Variants in AOPEP observed in about 807,000 individuals in gnomAD.
AOPEP encodes the protein aminopeptidase O.
Under a neutral mutation model 98.1 loss-of-function variants are expected in AOPEP, and 77 were observed. The ratio of observed to expected loss-of-function variants is 0.78; its 90% confidence interval spans 0.65 to 0.95. The LOEUF is 0.95. Ranked by LOEUF, AOPEP falls within the 40% of genes least tolerant of loss-of-function variation. The pLI is 0.00. For missense variants in AOPEP, 1,024 were observed against 1,024.7 expected, an observed-to-expected ratio of 1.00 and a Z score of 0.01; for synonymous variants, 346 against 365.3, an observed-to-expected ratio of 0.95 and a Z score of 0.60.
intron 9 of AOPEP, among the ~76,000 whole-genome samples, chr9:94,964,354 G>A (rs1179330300): frequency 4.6e-5 from 7 of 152,124 alleles, no homozygotes; most frequent in East Asian, 1.9e-4. Flanking sequence ...GGCCTCCTGC[G>A]CTTACCCTGA....
chr9:95,030,307 A>G (rs1377984982), intron 13 of AOPEP, among the ~76,000 whole-genome samples: 1 of 152,208 alleles, frequency 6.6e-6, no homozygotes, highest in Non-Finnish European at 1.5e-5. Flanking sequence ...TTGTGACTTC[A>G]AAGGTGGTTT....
rs1006381142 is a variant in AOPEP, at chr9:95,028,010, C to G, written c.2115+22394C>G. ...GCAGAATCATGAGCCTCAGAACACTCATTGCAGGCCTGTTTATCTTTCAAA... is the reference window on the plus strand; with the variant it reads ...GCAGAATCATGAGCCTCAGAACACTGATTGCAGGCCTGTTTATCTTTCAAA... On this transcript the variant is annotated intron_variant, in intron 13 of 16. Transcript: ENST00000375315. Among the ~76,000 whole-genome samples, 2 of 152,320 alleles carry G rather than the reference C, an allele frequency of 1.3e-5. 1 individual carries two copies. Among genetic ancestry groups the G allele is most frequent in the South Asian group, 4.1e-4 (2 of 4,822 alleles).
intron 5 of AOPEP, among the ~76,000 whole-genome samples, chr9:94,860,026 T>C (rs2044733039): frequency 6.6e-6 from 1 of 152,136 alleles, no homozygotes. Flanking sequence ...TTCTCAAAAA[T>C]GGAGTACGAC....
intron 12 of AOPEP, 114 bp from the exon 13 acceptor site, chr9:95,005,428 C>A (rs533765174): frequency 1.8e-6 from 2 of 1,133,086 alleles, no homozygotes; most frequent in Admixed American, 1.8e-5. Flanking sequence ...GGTGGCCTCC[C>A]GAGGTGCGGG....
At chr9:94,769,100 G>T (rs1277841148) in intron 2 of AOPEP, among the ~76,000 whole-genome samples, 1 of 152,212 alleles carries the variant, frequency 6.6e-6, no homozygotes, top group East Asian at 1.9e-4. Flanking sequence ...CATGATGGGG[G>T]CCATCTTTAG....
the AOPEP span, among the ~76,000 whole-genome samples, chr9:95,137,631 T>C: frequency 6.6e-6 from 1 of 152,132 alleles, no homozygotes; most frequent in Non-Finnish European, 1.5e-5. Flanking sequence ...ATTTGGAGTG[T>C]CTGAGGCACA....
chr9:94,817,151 A>G (rs1701480334), intron 5 of AOPEP, among the ~76,000 whole-genome samples: 1 of 152,066 alleles, frequency 6.6e-6, no homozygotes, highest in Non-Finnish European at 1.5e-5. Flanking sequence ...ATAGGCGTGC[A>G]CCACCATGCC....
the AOPEP span, among the ~76,000 whole-genome samples, chr9:95,140,967 G>T: frequency 6.6e-6 from 1 of 152,020 alleles, no homozygotes; most frequent in Non-Finnish European, 1.5e-5. Flanking sequence ...TATTAGAAAA[G>T]TAAAGTTTTC....
intron 5 of AOPEP, among the ~76,000 whole-genome samples, chr9:94,828,710 C>T (rs903296120): frequency 7.9e-5 from 12 of 151,744 alleles, no homozygotes; most frequent in African/African-American, 2.9e-4. Flanking sequence ...AGCAAACAGA[C>T]CAATTATACA....
Position 95,042,335 on chromosome 9 carries a change from AATAAATAC to A in AOPEP, c.2116-18343_2116-18336del, listed in dbSNP as rs1360922244. Among the ~76,000 whole-genome samples the A allele has an allele frequency of 7.0e-4, 24 of 34,330 alleles. No individual in the cohort carries two copies. In the South Asian group the frequency reaches 0.01, roughly 15 times the overall value. The allele number at this position is 34,330 out of a possible 152,430, so 22.5% of individuals were successfully genotyped here. A position where few individuals can be genotyped will look rare whatever the true frequency, so the allele number is the denominator to read the frequency against. ...TCAAAAATAAATAAATAAATAAATA[AATAAATAC>A]ATAAATACATAAATAAATAAATAAA... On this transcript the variant is annotated intron_variant, in intron 13 of 16. Transcript: ENST00000375315.
chr9:94,780,157 A>G (rs1337944914), intron 3 of AOPEP, among the ~76,000 whole-genome samples: 2 of 152,182 alleles, frequency 1.3e-5, no homozygotes. Flanking sequence ...ACAACAGCAG[A>G]GTTGAGTATT....
At chr9:95,028,312 G>A (rs965010898) in intron 13 of AOPEP, among the ~76,000 whole-genome samples, 1 of 152,234 alleles carries the variant, frequency 6.6e-6, no homozygotes, top group African/African-American at 2.4e-5. Context: ...AATCACCCTC[G>A]TGGGAGTGAT....
intron 5 of AOPEP, among the ~76,000 whole-genome samples, chr9:94,881,100 A>G (rs927098073): frequency 1.3e-5 from 2 of 152,180 alleles, no homozygotes; most frequent in African/African-American, 4.8e-5. Context: ...ATAAGATCAT[A>G]AGATGTTAGT....
Position 94,792,859 on chromosome 9 carries a change from A to G in AOPEP, c.1059A>G (p.Thr353=), listed in dbSNP as rs558722672. The change falls in exon 4 of 17, where the codon ACA becomes ACG. Residue 353 remains threonine (T), a synonymous_variant. Coordinates refer to ENST00000375315, the MANE Select transcript of AOPEP (RefSeq NM_001193329.3). ...GCTGGACAGAAATGAAGATGGAGACATGGTCATCAAATGATTTGGCAACAG... is the reference window on the plus strand; with the variant it reads ...GCTGGACAGAAATGAAGATGGAGACGTGGTCATCAAATGATTTGGCAACAG... The part of the protein sequence containing the change: ...VGCWTEMKME[T]WSSNDLATER... The G allele has an allele frequency of 5.6e-6, 9 of 1,613,740 alleles. 1 individual carries two copies. The South Asian group carries it at 7.7e-5, about 14-fold the overall frequency.
At chr9:95,111,914 C>G in the AOPEP span, among the ~76,000 whole-genome samples, 4 of 152,246 alleles carry the variant, frequency 2.6e-5, no homozygotes, top group African/African-American at 9.6e-5. Context: ...AGGACAGGCA[C>G]TGAAGAAGGA....
At chr9:95,149,271 T>G in the AOPEP span, among the ~76,000 whole-genome samples, 1 of 151,952 alleles carries the variant, frequency 6.6e-6, no homozygotes, top group South Asian at 2.1e-4. Context: ...AAGGAAACAA[T>G]AGTCGCTGGG....
At chr9:95,038,020 C>CCAG (rs1205373385) in intron 13 of AOPEP, among the ~76,000 whole-genome samples, 1 of 152,120 alleles carries the variant, frequency 6.6e-6, no homozygotes, top group Non-Finnish European at 1.5e-5. Context: ...AACCTTCCAT[C>CCAG]CAGCTGTCTG....
intron 5 of AOPEP, among the ~76,000 whole-genome samples, chr9:94,897,772 T>G (rs1490560228): frequency 5.9e-5 from 9 of 151,536 alleles, no homozygotes; most frequent in Non-Finnish European, 1.3e-4. Context: ...TGTTTTTTTG[T>G]GGGGATAGAA....
At chr9:94,929,832 G>A (rs1015322296) in intron 7 of AOPEP, among the ~76,000 whole-genome samples, 10 of 152,248 alleles carry the variant, frequency 6.6e-5, no homozygotes, top group African/African-American at 1.9e-4. Flanking sequence ...ACTGGAGGGC[G>A]GCGCATAAGG....
Sources: gnomAD v4.1 joint callset for allele counts (sites outside exome capture counted in the v4.1 genomes callset) on GRCh38, gnomAD v4.1.1 for gene constraint, MANE v1.5 for transcripts, NCBI Gene and HGNC (gene_info 2026-07-23, HGNC 2026-07-21) for gene names.